The following NTRK3 variants were observed in gnomAD, a reference collection of about 807,000 sequenced individuals.
The protein encoded by NTRK3 is NT-3 growth factor receptor.
Under a neutral mutation model 91.7 loss-of-function variants are expected in NTRK3, and 24 were observed. That is an observed-to-expected ratio of 0.26 (90% CI 0.19 to 0.37). The LOEUF (loss-of-function observed/expected upper bound fraction) is 0.37, where lower values mean the gene tolerates loss of function less well. NTRK3 is among the 10% of genes least tolerant of loss of function. The pLI, the probability that NTRK3 is intolerant of heterozygous loss-of-function variation, is 1.00. For missense variants in NTRK3, 880 were observed against 1,068.9 expected, an observed-to-expected ratio of 0.82 and a Z score of 2.46; for synonymous variants, 483 against 404.0, an observed-to-expected ratio of 1.20 and a Z score of -2.34.
intron 17 of NTRK3, among the ~76,000 whole-genome samples, chr15:87,906,342 C>T (rs1472724226): frequency 6.6e-6 from 1 of 152,204 alleles, no homozygotes; most frequent in East Asian, 1.9e-4. Flanking sequence ...CACAGAAAGG[C>T]AGATGGGAGA....
At chr15:88,064,083 A>G (rs1056027107) in intron 13 of NTRK3, among the ~76,000 whole-genome samples, 1 of 152,238 alleles carries the variant, frequency 6.6e-6, no homozygotes, top group Admixed American at 6.5e-5. Context: ...AAAAGGACAC[A>G]GAGACACAGA....
At chr15:88,150,382 C>G (rs2043260617) in intron 5 of NTRK3, among the ~76,000 whole-genome samples, 1 of 152,216 alleles carries the variant, frequency 6.6e-6, no homozygotes, top group Admixed American at 6.5e-5. Flanking sequence ...AAGAAAATAA[C>G]AGACATTCTG....
rs533531397 is a variant in NTRK3, at chr15:88,089,341, T to C, written c.1396+36930A>G. 2.4e-4 allele frequency among the ~76,000 whole-genome samples: 37 copies of C among 152,314 alleles called. No individual in the cohort carries two copies. The South Asian group carries it at 6.6e-3, about 27-fold the overall frequency. On this transcript the variant is annotated intron_variant, in intron 13 of 18. Coordinates refer to ENST00000394480, the Ensembl canonical transcript of NTRK3. The stretch of plus-strand genomic sequence containing the variant: ...TTATTTAACCCAACCATTCCATTTC[T>C]AGAAATATTACCCAGGGAAATAATC...
intron 6 of NTRK3, among the ~76,000 whole-genome samples, chr15:88,144,552 A>T (rs148338988): frequency 0.015 from 2,300 of 152,238 alleles, 33 homozygotes; most frequent in Non-Finnish European, 0.023. Flanking sequence ...TGAGTCAGGT[A>T]AGAGAAACAG....
chr15:87,861,679 T>C (rs2064527899), exon 19 of NTRK3: 1 of 195,418 alleles, frequency 5.1e-6, no homozygotes, highest in Non-Finnish European at 1.1e-5. Flanking sequence ...TTGGTGTTTG[T>C]AGGGCATTTG....
At chr15:88,047,728 C>T (rs1043877051) in intron 13 of NTRK3, among the ~76,000 whole-genome samples, 5 of 152,136 alleles carry the variant, frequency 3.3e-5, no homozygotes, top group African/African-American at 7.2e-5. Context: ...AAAAGGAGGG[C>T]GACCACACAT....
chr15:88,081,347 C>A (rs1484947823), intron 13 of NTRK3, among the ~76,000 whole-genome samples: 1 of 152,174 alleles, frequency 6.6e-6, no homozygotes, highest in African/African-American at 2.4e-5. Flanking sequence ...CAAGTGCGCC[C>A]CTGCCACCAC....
chr15:88,149,389 G>C (rs1185113305), intron 5 of NTRK3, among the ~76,000 whole-genome samples: 2 of 152,154 alleles, frequency 1.3e-5, no homozygotes, highest in Admixed American at 1.3e-4. Context: ...TGTCTTCCCT[G>C]TACCCAGTAC....
chr15:88,110,848 C>T (rs2051264665), intron 13 of NTRK3, among the ~76,000 whole-genome samples: 1 of 152,108 alleles, frequency 6.6e-6, no homozygotes, highest in Non-Finnish European at 1.5e-5. Flanking sequence ...TTTCAAAGTC[C>T]TGAGTCTGCT....
Position 88,137,389 on chromosome 15 carries a change from C to A in NTRK3, c.622+15G>T. On this transcript the variant is annotated intron_variant, in intron 7 of 18. Coordinates refer to ENST00000394480, the Ensembl canonical transcript of NTRK3. Reference sequence around the variant, plus strand: ...CCTCCCTGGAGCCAGCTGGGCCAGGCGGCCACTCACTCACCACACTGACTG... The same window carrying A: ...CCTCCCTGGAGCCAGCTGGGCCAGGAGGCCACTCACTCACCACACTGACTG... 6.2e-7 allele frequency: 1 copy of A among 1,612,690 alleles called. No homozygotes were observed. The highest frequency in any genetic ancestry group is 8.5e-7 in the Non-Finnish European group (1 of 1,179,840).
At chr15:87,884,275 T>C (rs1007153914) in intron 17 of NTRK3, among the ~76,000 whole-genome samples, 1 of 151,598 alleles carries the variant, frequency 6.6e-6, no homozygotes, top group African/African-American at 2.4e-5. Flanking sequence ...ATTGGTTTAC[T>C]AAAAATATTA....
chr15:88,242,593 C>T (rs556691166), intron 3 of NTRK3, among the ~76,000 whole-genome samples: 9 of 152,314 alleles, frequency 5.9e-5, no homozygotes, highest in African/African-American at 1.9e-4. Context: ...GGAAGTATCA[C>T]GGTCTTTTAT....
chr15:88,043,946 C>A (rs956248812), intron 13 of NTRK3, among the ~76,000 whole-genome samples: 3 of 152,284 alleles, frequency 2.0e-5, no homozygotes, highest in African/African-American at 7.2e-5. Flanking sequence ...AAACCCTTTT[C>A]CCAGTATTTC....
At chr15:88,059,672 C>T (rs1168473822) in intron 13 of NTRK3, among the ~76,000 whole-genome samples, 1 of 152,128 alleles carries the variant, frequency 6.6e-6, no homozygotes, top group Non-Finnish European at 1.5e-5. Flanking sequence ...CCTGCTTCTA[C>T]CCAGAGCTAT....
chr15:88,097,321 C>T (rs558942677), intron 13 of NTRK3, among the ~76,000 whole-genome samples: 1 of 152,128 alleles, frequency 6.6e-6, no homozygotes, highest in Non-Finnish European at 1.5e-5. Context: ...GTTAGCATGA[C>T]AAATGTACCA....
chr15:88,107,972 T>C (rs532346231), intron 13 of NTRK3, among the ~76,000 whole-genome samples: 2 of 152,000 alleles, frequency 1.3e-5, no homozygotes, highest in Non-Finnish European at 2.9e-5. Context: ...ATCCTAGAGA[T>C]ACACTGTTGG....
At position 88,227,501 on chromosome 15, in the gene NTRK3, C is replaced by T. The variant is rs975964978; in HGVS notation, c.248+28405G>A. 1.2e-4 allele frequency among the ~76,000 whole-genome samples: 18 copies of T among 152,016 alleles called. 1 individual carries two copies. Among genetic ancestry groups the T allele is most frequent in the Admixed American group, 7.2e-4 (11 of 15,262 alleles). Reference sequence around the variant, plus strand: ...TGTGGGCAGGTGAAAAGAGAGACACCGGGGACATGTGCACACAGAAGGATG... The same window carrying T: ...TGTGGGCAGGTGAAAAGAGAGACACTGGGGACATGTGCACACAGAAGGATG... On this transcript the variant is annotated intron_variant, in intron 3 of 18. Transcript: ENST00000394480.
intron 5 of NTRK3, among the ~76,000 whole-genome samples, chr15:88,173,703 G>A (rs1380538949): frequency 6.6e-6 from 1 of 152,192 alleles, no homozygotes; most frequent in Non-Finnish European, 1.5e-5. Context: ...TTTGAGGAGT[G>A]CTGCTCTGAA....
chr15:87,907,776 T>C (rs79678102), intron 17 of NTRK3, among the ~76,000 whole-genome samples: 5,767 of 152,174 alleles, frequency 0.038, 229 homozygotes, highest in African/African-American at 0.11. Flanking sequence ...TGGAAGGAAG[T>C]CATCCAATAC....
Sources: allele counts gnomAD v4.1 joint callset (sites outside exome capture counted in the v4.1 genomes callset), GRCh38; gene constraint gnomAD v4.1.1; transcripts MANE v1.5; gene names NCBI Gene and HGNC (gene_info 2026-07-23, HGNC 2026-07-21).